Variants in FYN observed in about 807,000 individuals in gnomAD.
FYN encodes tyrosine-protein kinase Fyn.
Under a neutral mutation model 70.2 loss-of-function variants are expected in FYN, and 10 were observed. That is an observed-to-expected ratio of 0.14 (90% CI 0.09 to 0.24). The LOEUF (loss-of-function observed/expected upper bound fraction) is 0.24, where lower values mean the gene tolerates loss of function less well. FYN is among the 10% of genes least tolerant of loss of function. FYN has a pLI of 1.00. For missense variants in FYN, 319 were observed against 673.1 expected (o/e 0.47, Z 5.82); for synonymous variants, 236 against 248.6 (o/e 0.95, Z 0.48).
chr6:111,851,781 T>G (rs1002014738), intron 1 of FYN, among the ~76,000 whole-genome samples: 7 of 152,030 alleles, frequency 4.6e-5, no homozygotes, highest in African/African-American at 1.7e-4. Context: ...GCAGGTAAGA[T>G]GAAGCTGGGT....
chr6:111,761,852 A>G (rs1334509008), intron 3 of FYN, among the ~76,000 whole-genome samples: 1 of 152,184 alleles, frequency 6.6e-6, no homozygotes, highest in Non-Finnish European at 1.5e-5. Flanking sequence ...AGCAAAAAAA[A>G]TGCTCTCGAG....
intron 10 of FYN, 70 bp downstream of exon 10, chr6:111,696,207 C>G: frequency 3.1e-6 from 4 of 1,299,736 alleles, no homozygotes; most frequent in Non-Finnish European, 4.1e-6. Context: ...AAGTAGGAAA[C>G]TTCCATTTCT....
intron 3 of FYN, among the ~76,000 whole-genome samples, chr6:111,744,866 T>C (rs1802138115): frequency 1.3e-5 from 2 of 152,198 alleles, no homozygotes; most frequent in Non-Finnish European, 2.9e-5. Flanking sequence ...TAAGTTTTCA[T>C]TTTTTCTCTT....
chr6:111,678,746 T>C (rs1035005193), intron 12 of FYN, among the ~76,000 whole-genome samples: 1 of 152,176 alleles, frequency 6.6e-6, no homozygotes, highest in Non-Finnish European at 1.5e-5. Flanking sequence ...ACCCAGTTGG[T>C]GACAACAGAA....
chr6:111,751,431 G>A (rs1251199190), intron 3 of FYN, among the ~76,000 whole-genome samples: 1 of 149,308 alleles, frequency 6.7e-6, no homozygotes, highest in African/African-American at 2.5e-5. Context: ...CCTAGCCCAT[G>A]TCTCACAAAA....
At chr6:111,794,022 G>T (rs1771724029) in intron 2 of FYN, 1 of 152,218 alleles carries the variant, frequency 6.6e-6, no homozygotes, top group African/African-American at 2.4e-5. Context: ...AAACCATGTG[G>T]GGACTGTGGA....
Position 111,663,729 on chromosome 6 carries a change from C to T in FYN, c.1406-1782G>A, listed in dbSNP as rs114912167. Among the ~76,000 whole-genome samples the T allele has an allele frequency of 7.1e-3, 1,078 of 152,252 alleles. 9 individuals carry two copies. The highest frequency in any genetic ancestry group is 0.024 in the African/African-American group (1,000 of 41,542). ...AGGAGTCAGGGTCCCTGCCTCTGTG[C>T]CATGCATGCCTTTACCAGCGACTTC... On this transcript the variant is annotated intron_variant, in intron 13 of 13. Coordinates refer to ENST00000354650, the MANE Select transcript of FYN (RefSeq NM_002037.5).
At chr6:111,806,101 C>T (rs1184860260) in intron 2 of FYN, among the ~76,000 whole-genome samples, 2 of 152,180 alleles carry the variant, frequency 1.3e-5, no homozygotes, top group Non-Finnish European at 2.9e-5. Context: ...CCACGCAGTT[C>T]CTAGGGTGCC....
chr6:111,692,103 C>CA (rs939651820), intron 12 of FYN, among the ~76,000 whole-genome samples: 15 of 139,000 alleles, frequency 1.1e-4, no homozygotes, highest in East Asian at 4.5e-4. Flanking sequence ...GCTTCATTTC[C>CA]CCCCCCCCCA....
At chr6:111,826,256 T>C (rs566163099) in intron 2 of FYN, among the ~76,000 whole-genome samples, 12 of 152,254 alleles carry the variant, frequency 7.9e-5, no homozygotes, top group African/African-American at 2.6e-4. Context: ...GCACACTAGT[T>C]GGCCTTTTCA....
At chr6:111,815,193 G>A (rs893554517) in intron 2 of FYN, among the ~76,000 whole-genome samples, 13 of 152,106 alleles carry the variant, frequency 8.5e-5, no homozygotes, top group East Asian at 1.9e-4. Flanking sequence ...GTTCATATTC[G>A]GTCAGCCCAG....
intron 12 of FYN, among the ~76,000 whole-genome samples, chr6:111,676,921 G>A (rs897199827): frequency 9.9e-5 from 15 of 151,896 alleles, no homozygotes; most frequent in African/African-American, 3.4e-4. Context: ...AAAAACCAAC[G>A]GCAATATCAG....
At chr6:111,804,461 A>G (rs920808180) in intron 2 of FYN, among the ~76,000 whole-genome samples, 2 of 152,218 alleles carry the variant, frequency 1.3e-5, no homozygotes, top group Non-Finnish European at 2.9e-5. Context: ...AGGATGCTAC[A>G]TCGCAAAACC....
chr6:111,699,678 A>T, intron 9 of FYN: 1 of 1,610,648 alleles, frequency 6.2e-7, no homozygotes, highest in Non-Finnish European at 8.5e-7. Flanking sequence ...TCTCTACAGG[A>T]AAGGGAATTA....
chr6:111,782,086 C>T lies in FYN; in HGVS notation c.-81-1451G>A, dbSNP rs959983390. Among the ~76,000 whole-genome samples the T allele has an allele frequency of 1.4e-4, 21 of 152,162 alleles. 1 individual carries two copies. The highest frequency in any genetic ancestry group is 1.2e-3 in the Admixed American group (19 of 15,276). ...GGCCCCCTGAATTACATGCATGGAC[C>T]CAGCTTTCAGGCCTAGCTTCATTCT... is the stretch of plus-strand genomic sequence containing the variant. On this transcript the variant is annotated intron_variant, in intron 2 of 13. Coordinates refer to ENST00000354650, the MANE Select transcript of FYN (RefSeq NM_002037.5).
intron 2 of FYN, among the ~76,000 whole-genome samples, chr6:111,829,892 T>A (rs73529811): frequency 0.037 from 5,583 of 152,306 alleles, 246 homozygotes; most frequent in African/African-American, 0.11. Context: ...ACTGTCTCCA[T>A]GCTCCTTGTT....
intron 3 of FYN, among the ~76,000 whole-genome samples, chr6:111,731,965 A>G (rs1160383095): frequency 1.3e-5 from 2 of 152,196 alleles, no homozygotes; most frequent in African/African-American, 4.8e-5. Context: ...TAAAGGAGGA[A>G]CATCAGTAAG....
At chr6:111,821,075 G>A (rs1412795318) in intron 2 of FYN, among the ~76,000 whole-genome samples, 1 of 152,070 alleles carries the variant, frequency 6.6e-6, no homozygotes, top group South Asian at 2.1e-4. Context: ...TAACCTGAAA[G>A]TTCATGTAAT....
In FYN at chr6:111,669,159, G is replaced by C. The variant is rs147875685; in HGVS notation, c.1405+5340C>G. ...TGCTTAAGAAAGTGTTCCTGGCCTG[G>C]TGCAGTGGCTCACACCTGTAATCCC... On this transcript the variant is annotated intron_variant, in intron 13 of 13. Coordinates refer to ENST00000354650, the MANE Select transcript of FYN (RefSeq NM_002037.5). 2.6e-5 allele frequency among the ~76,000 whole-genome samples: 4 copies of C among 152,198 alleles called. No individual in the cohort carries two copies. The East Asian group carries it at 7.7e-4, about 29-fold the overall frequency.
Sources: gnomAD v4.1 joint callset for allele counts (sites outside exome capture counted in the v4.1 genomes callset) on GRCh38, gnomAD v4.1.1 for gene constraint, MANE v1.5 for transcripts, NCBI Gene and HGNC (gene_info 2026-07-23, HGNC 2026-07-21) for gene names.